Variants in PKP2 observed in about 807,000 individuals in gnomAD.
PKP2 encodes the protein plakophilin 2, also known as plakophilin-2.
In PKP2, 73 loss-of-function variants were observed where a neutral mutation model predicts 83.4. The observed-to-expected ratio is 0.88, with a 90% confidence interval of 0.72 to 1.06. The LOEUF is 1.06. Among genes scored for constraint, PKP2 ranks in the 50% least tolerant of loss-of-function variants. The pLI is 0.00. For missense variants in PKP2, 966 were observed against 1,065.4 expected (o/e 0.91, Z 1.30); for synonymous variants, 409 against 430.4 (o/e 0.95, Z 0.62).
In PKP2 at chr12:32,796,262, G is replaced by C. The variant is rs751577129; in HGVS notation, c.2204C>G (p.Pro735Arg). ...ETLPDLVSII[P>R]DTVPSTDLLI... ...AAGGTCAGTACTCGGGACTGTGTCAGGAATGATGGAAACCAAATCAGGGAG... is the reference window on the plus strand; with the variant it reads ...AAGGTCAGTACTCGGGACTGTGTCACGAATGATGGAAACCAAATCAGGGAG... The change falls in exon 11 of 13, where the codon CCT becomes CGT. Residue 735 changes from proline (P) to arginine (R), a missense_variant. Physicochemically the swap from Pro to Arg is moderately radical, Grantham distance 103 (BLOSUM62 -2). Coordinates refer to ENST00000340811, the MANE Select transcript of PKP2 (RefSeq NM_001005242.3). 1.9e-6 allele frequency: 3 copies of C among 1,613,290 alleles called. No individual in the cohort carries two copies. In the South Asian group the frequency reaches 3.3e-5, roughly 18 times the overall value.
At position 32,792,680 on chromosome 12, in the gene PKP2, C is replaced by T. The variant is rs374689137; in HGVS notation, c.2409G>A (p.Leu803=). ...SKAASVLLYS[L]WAHTELHHAY... ...CATGATGCAGTTCCGTGTGTGCCCA[C>T]AGAGAATACAGAAGGACGGAAGCAG... The change falls in exon 12 of 13, where the codon CTG becomes CTA. Residue 803 remains leucine (L), a synonymous_variant. Transcript: ENST00000340811. 4 of 1,614,002 alleles carry T rather than the reference C, an allele frequency of 2.5e-6. No individual in the cohort carries two copies. Among genetic ancestry groups the T allele is most frequent in the Non-Finnish European group, 3.4e-6 (4 of 1,180,012 alleles).
At chr12:32,873,806 A>G (rs1291469518) in intron 3 of PKP2, among the ~76,000 whole-genome samples, 2 of 152,218 alleles carry the variant, frequency 1.3e-5, no homozygotes, top group Admixed American at 6.5e-5. Flanking sequence ...CTGGGATTAC[A>G]GGCGTGAGCC....
intron 10 of PKP2, among the ~76,000 whole-genome samples, chr12:32,800,049 C>T (rs921456020): frequency 5.3e-5 from 8 of 150,556 alleles, no homozygotes; most frequent in Non-Finnish European, 1.2e-4. Context: ...TGTATGTTTT[C>T]CTCTTTTTCC....
intron 9 of PKP2, among the ~76,000 whole-genome samples, chr12:32,816,617 C>T (rs1956322291): frequency 6.6e-6 from 1 of 152,124 alleles, no homozygotes; most frequent in Non-Finnish European, 1.5e-5. Context: ...AATGGGATTG[C>T]TGGGTGGAAT....
intron 4 of PKP2, among the ~76,000 whole-genome samples, chr12:32,867,118 G>A (rs780805841): frequency 4.6e-5 from 7 of 152,150 alleles, no homozygotes; most frequent in Admixed American, 6.6e-5. Context: ...GCTTGAGCCA[G>A]GTGTTCCAGA....
In PKP2 at chr12:32,850,990, T is replaced by C. The variant is rs372942306; in HGVS notation, c.1171-17A>G. The C allele has an allele frequency of 1.7e-5, 27 of 1,601,180 alleles. No individual in the cohort carries two copies. In the African/African-American group the frequency reaches 3.2e-4, roughly 19 times the overall value. ...CTGGTTAACCTGGGGAAGAAGCAGA[T>C]GCATATTTCTAATATTAATTTTGAT... is the stretch of plus-strand genomic sequence containing the variant. On this transcript the variant is annotated splice_polypyrimidine_tract_variant and intron_variant, in intron 4 of 12. Transcript: ENST00000340811.
At chr12:32,868,864 A>G in intron 4 of PKP2, 63 bp downstream of exon 4, 4 of 1,550,170 alleles carry the variant, frequency 2.6e-6, no homozygotes, top group Non-Finnish European at 3.6e-6. Context: ...TTCAGTGTGC[A>G]AAGTCACCAT....
chr12:32,794,624 C>T (rs1424168843), intron 11 of PKP2, among the ~76,000 whole-genome samples: 2 of 152,188 alleles, frequency 1.3e-5, no homozygotes, highest in Non-Finnish European at 2.9e-5. Flanking sequence ...TGTCTGAATA[C>T]TCGAATAATG....
At chr12:32,870,191 A>G (rs1956884058) in intron 3 of PKP2, among the ~76,000 whole-genome samples, 1 of 152,182 alleles carries the variant, frequency 6.6e-6, no homozygotes, top group African/African-American at 2.4e-5. Flanking sequence ...TCCAATATCT[A>G]CTAGCAAGCA....
At chr12:32,851,005 T>A (rs747812597) in intron 4 of PKP2, 32 bp from the exon 5 acceptor site, 7 of 1,563,438 alleles carry the variant, frequency 4.5e-6, no homozygotes, top group Non-Finnish European at 3.5e-6. Context: ...ATTTCTAATA[T>A]TAATTTTGAT....
intron 4 of PKP2, among the ~76,000 whole-genome samples, chr12:32,862,384 C>T (rs1202345142): frequency 6.6e-6 from 1 of 152,182 alleles, no homozygotes; most frequent in Non-Finnish European, 1.5e-5. Flanking sequence ...TGGTGGCTCA[C>T]ACCTGCAATC....
rs111246642 is a variant in PKP2 at position 32,832,986 on chromosome 12, C to T, written c.1556+8042G>A. ...ACAGGCCAGGCACGCTGGCTCACACCTGTAGTCCCAGCACTTTGGGAGGCC... is the reference window on the plus strand; with the variant it reads ...ACAGGCCAGGCACGCTGGCTCACACTTGTAGTCCCAGCACTTTGGGAGGCC... On this transcript the variant is annotated intron_variant, in intron 6 of 12. Coordinates refer to ENST00000340811, the MANE Select transcript of PKP2 (RefSeq NM_001005242.3). Among the ~76,000 whole-genome samples the T allele has an allele frequency of 5.7e-3, 871 of 152,310 alleles. 8 individuals carry two copies. The highest frequency in any genetic ancestry group is 0.017 in the African/African-American group (723 of 41,562).
intron 5 of PKP2, among the ~76,000 whole-genome samples, chr12:32,845,912 T>C (rs1956639976): frequency 6.6e-6 from 1 of 152,180 alleles, no homozygotes; most frequent in Non-Finnish European, 1.5e-5. Context: ...TATTCCAAGT[T>C]ATATATAAAC....
intron 1 of PKP2, among the ~76,000 whole-genome samples, chr12:32,889,202 C>T (rs1366621906): frequency 6.6e-6 from 1 of 152,124 alleles, no homozygotes; most frequent in African/African-American, 2.4e-5. Flanking sequence ...GATAAACTGC[C>T]TGTGTGTGTT....
In PKP2 at chr12:32,850,920, A is replaced by C; in HGVS notation, c.1224T>G (p.Asn408Lys). 1 of 1,614,170 alleles carries C rather than the reference A, an allele frequency of 6.2e-7. No homozygotes were observed. Among genetic ancestry groups the C allele is most frequent in the Non-Finnish European group, 8.5e-7 (1 of 1,180,020 alleles). Residue 408 changes from asparagine (N) to lysine (K), a missense_variant, in exon 5 of 13, where the codon AAT becomes AAG. Transcript: ENST00000340811. Reference protein sequence around the residue: ...LKLLQLLKVQNEDVQRAVCGA... With the variant: ...LKLLQLLKVQKEDVQRAVCGA... ...CACACACAGCTCGCTGAACGTCTTC[A>C]TTCTGAACTTTTAGGAGCTGCAGAA...
chr12:32,876,407 A>C (rs1956932659), intron 3 of PKP2, among the ~76,000 whole-genome samples: 1 of 152,194 alleles, frequency 6.6e-6, no homozygotes. Context: ...TACTGTTAAA[A>C]TCATTTTGCT....
rs184842808 is a variant in PKP2 at position 32,872,213 on chromosome 12, C to T, written c.1035-3151G>A. 2.5e-4 allele frequency among the ~76,000 whole-genome samples: 38 copies of T among 152,098 alleles called. 1 individual carries two copies. In the East Asian group the frequency reaches 6.6e-3, roughly 26 times the overall value. On this transcript the variant is annotated intron_variant, in intron 3 of 12. Transcript: ENST00000340811. ...GTGTAAACTACCACTGGTCAGAATA[C>T]GAGACATTACAGGGGGAGAAAAAAA...
intron 9 of PKP2, among the ~76,000 whole-genome samples, chr12:32,807,679 C>T (rs910312960): frequency 2.6e-5 from 4 of 152,128 alleles, no homozygotes; most frequent in Admixed American, 1.3e-4. Context: ...TTTTTCCTTT[C>T]CACATTTAGT....
At chr12:32,853,240 A>C (rs538808386) in intron 4 of PKP2, among the ~76,000 whole-genome samples, 1 of 152,306 alleles carries the variant, frequency 6.6e-6, no homozygotes, top group East Asian at 1.9e-4. Context: ...ATAATGCTCC[A>C]AGGGAGTAAT....
Sources: allele counts gnomAD v4.1 joint callset (sites outside exome capture counted in the v4.1 genomes callset), GRCh38; gene constraint gnomAD v4.1.1; transcripts MANE v1.5; gene names NCBI Gene and HGNC (gene_info 2026-07-23, HGNC 2026-07-21).